Variants in DDX60L observed in about 807,000 individuals in gnomAD.
DDX60L encodes probable ATP-dependent RNA helicase DDX60-like.
In DDX60L, 191 loss-of-function variants were observed where a neutral mutation model predicts 211.6. The ratio of observed to expected loss-of-function variants is 0.90; its 90% CI spans 0.80 to 1.02. The LOEUF (loss-of-function observed/expected upper bound fraction) is 1.02, where lower values mean the gene tolerates loss of function less well. DDX60L is among the 50% of genes least tolerant of loss of function. The probability of loss-of-function intolerance (pLI) is 0.00; values close to 1 mark genes in which losing one functional copy is unlikely to be tolerated. For synonymous variants in DDX60L, 706 were observed against 694.1 expected (o/e 1.02, Z -0.27); for missense variants, 2,007 against 1,984.1 (o/e 1.01, Z -0.22).
At chr4:168,440,548 C>T (rs945790994) in intron 10 of DDX60L, among the ~76,000 whole-genome samples, 1 of 151,974 alleles carries the variant, frequency 6.6e-6, no homozygotes, top group Non-Finnish European at 1.5e-5. Flanking sequence ...CTAAACATAT[C>T]TCAGCTCCTT....
At chr4:168,415,376 C>A in intron 22 of DDX60L, 32 bp downstream of exon 22, 2 of 1,463,104 alleles carry the variant, frequency 1.4e-6, no homozygotes, top group African/African-American at 1.4e-5. Flanking sequence ...CTAAAAATTC[C>A]ACTAACAGGA....
In DDX60L at chr4:168,391,645, C is replaced by T; in HGVS notation, c.3811-1G>A. On this transcript the variant is annotated splice_acceptor_variant, in intron 28 of 37. Coordinates refer to ENST00000682922, the MANE Select transcript of DDX60L (RefSeq NM_001012967.3). LOFTEE classifies it high-confidence loss of function. ...CAAGTGTTTCAGTAGCTGTCACTAC[C>T]TAGGAAAAAAAAAAAAAAACAGTCA... 1 of 1,384,292 alleles carries T rather than the reference C, an allele frequency of 7.2e-7. No individual in the cohort carries two copies. The highest frequency in any genetic ancestry group is 9.8e-7 in the Non-Finnish European group (1 of 1,025,396). 85.8% of individuals were successfully genotyped at this position (1,384,292 alleles called of 1,614,324 possible).
At chr4:168,427,840 G>A (rs1362491431) in intron 13 of DDX60L, among the ~76,000 whole-genome samples, 2 of 152,148 alleles carry the variant, frequency 1.3e-5, no homozygotes, top group African/African-American at 4.8e-5. Context: ...TTAGTGGGGT[G>A]GTAATTTTTC....
chr4:168,369,302 T>G (rs1740538688), intron 36 of DDX60L, among the ~76,000 whole-genome samples: 1 of 152,108 alleles, frequency 6.6e-6, no homozygotes, highest in Non-Finnish European at 1.5e-5. Context: ...AATGGGAGTT[T>G]CCCTGCACAT....
At chr4:168,398,285 A>G (rs1021655072) in intron 26 of DDX60L, among the ~76,000 whole-genome samples, 3 of 152,194 alleles carry the variant, frequency 2.0e-5, no homozygotes, top group Non-Finnish European at 4.4e-5. Flanking sequence ...AGAAAAGTTG[A>G]GGCCAAGCCT....
At chr4:168,404,224 G>A in intron 24 of DDX60L, 118 bp from the exon 25 acceptor site, 2 of 737,860 alleles carry the variant, frequency 2.7e-6, no homozygotes, top group South Asian at 3.5e-5. Flanking sequence ...AATTTTGGGT[G>A]GGTTTTTAAA....
intron 10 of DDX60L, among the ~76,000 whole-genome samples, chr4:168,440,881 T>C (rs994191120): frequency 6.6e-6 from 1 of 152,068 alleles, no homozygotes; most frequent in African/African-American, 2.4e-5. Flanking sequence ...TTAAGCATAA[T>C]GGTAAATACA....
chr4:168,367,179 T>C (rs1247226752), intron 36 of DDX60L, among the ~76,000 whole-genome samples: 2 of 71,596 alleles, frequency 2.8e-5, no homozygotes, highest in Non-Finnish European at 8.0e-5. Context: ...CCTGAAACTA[T>C]GAAACAATAT....
Position 168,460,802 on chromosome 4 carries a change from C to T in DDX60L, c.606+897G>A, listed in dbSNP as rs182256827. On this transcript the variant is annotated intron_variant, in intron 5 of 37. Coordinates refer to ENST00000682922, the MANE Select transcript of DDX60L (RefSeq NM_001012967.3). Reference sequence around the variant, plus strand: ...CACTTCAGACACGAATCACAAATGCCGGGCTTCACATGCTGACAGACCAGC... The same window carrying T: ...CACTTCAGACACGAATCACAAATGCTGGGCTTCACATGCTGACAGACCAGC... 1.6e-3 allele frequency among the ~76,000 whole-genome samples: 251 copies of T among 152,268 alleles called. 1 individual carries two copies. Among genetic ancestry groups the T allele is most frequent in the African/African-American group, 5.3e-3 (219 of 41,550 alleles).
intron 20 of DDX60L, 96 bp downstream of exon 20, chr4:168,416,586 T>C: frequency 1.5e-6 from 1 of 653,574 alleles, no homozygotes; most frequent in Non-Finnish European, 2.4e-6. Flanking sequence ...TATTTGAAAG[T>C]TATCATAGAA....
intron 4 of DDX60L, among the ~76,000 whole-genome samples, chr4:168,467,905 G>T (rs1226059987): frequency 3.3e-5 from 5 of 152,180 alleles, no homozygotes; most frequent in Non-Finnish European, 5.9e-5. Flanking sequence ...GGTGGCTCAT[G>T]CCTGTAATCT....
At chr4:168,392,617 G>A (rs1227634052) in intron 28 of DDX60L, among the ~76,000 whole-genome samples, 3 of 152,148 alleles carry the variant, frequency 2.0e-5, no homozygotes, top group Non-Finnish European at 4.4e-5. Context: ...GCCAAGGCAG[G>A]CCGATCACCT....
intron 15 of DDX60L, 24 bp downstream of exon 15, chr4:168,423,584 T>C (rs747210806): frequency 7.3e-7 from 1 of 1,371,482 alleles, no homozygotes; most frequent in Admixed American, 2.6e-5. Context: ...AAATTTAAAG[T>C]ATAAGAAATT....
rs1756055943 is a variant in DDX60L at position 168,453,278 on chromosome 4, T to C, written c.842A>G (p.His281Arg). 6.2e-7 allele frequency: 1 copy of C among 1,609,770 alleles called. No homozygotes were observed. The highest frequency in any genetic ancestry group is 1.3e-5 in the African/African-American group (1 of 74,856). Residue 281 changes from histidine (H) to arginine (R), a missense_variant, in exon 8 of 38, where the codon CAC becomes CGC. Transcript: ENST00000682922. Reference protein sequence around the residue: ...SLRMYHRVLVHSNCLSLQEVE... With the variant: ...SLRMYHRVLVRSNCLSLQEVE... ...CTCCTGCAGGGATAGGCAATTACTGTGCACCTGCGTACAATAAAGAAGATG... is the reference window on the plus strand; with the variant it reads ...CTCCTGCAGGGATAGGCAATTACTGCGCACCTGCGTACAATAAAGAAGATG...
At chr4:168,441,697 T>C (rs928149559) in intron 9 of DDX60L, among the ~76,000 whole-genome samples, 3 of 152,054 alleles carry the variant, frequency 2.0e-5, no homozygotes, top group Admixed American at 6.5e-5. Flanking sequence ...TTAAATATAA[T>C]GCAGAGCCAG....
In DDX60L at chr4:168,474,981, C is replaced by A. The variant is rs1759282678; in HGVS notation, c.-110-2172G>T. Among the ~76,000 whole-genome samples the A allele has an allele frequency of 2.6e-5, 4 of 152,178 alleles. No homozygotes were observed. In the East Asian group the frequency reaches 5.8e-4, roughly 22 times the overall value. ...GATATATCCTGATAAAATTTCAGTA[C>A]TCCAAAGATAAAGAGAAAATCTAAC... On this transcript the variant is annotated intron_variant, in intron 1 of 37. Transcript: ENST00000682922.
At chr4:168,433,466 T>G (rs1351785221) in intron 10 of DDX60L, among the ~76,000 whole-genome samples, 1 of 151,978 alleles carries the variant, frequency 6.6e-6, no homozygotes, top group African/African-American at 2.4e-5. Flanking sequence ...GAAGCACCAC[T>G]CAGAGTTCAC....
chr4:168,468,328 T>C (rs903925636), intron 4 of DDX60L, among the ~76,000 whole-genome samples: 4 of 152,074 alleles, frequency 2.6e-5, no homozygotes, highest in African/African-American at 9.7e-5. Context: ...GAATAAAAGA[T>C]TGAATTAATA....
chr4:168,385,745 T>C (rs1199027076), intron 29 of DDX60L, among the ~76,000 whole-genome samples: 1 of 152,168 alleles, frequency 6.6e-6, no homozygotes, highest in Non-Finnish European at 1.5e-5. Flanking sequence ...ATTGTAGTGA[T>C]TATTATAGAG....
Sources: gnomAD v4.1 joint callset for allele counts (sites outside exome capture counted in the v4.1 genomes callset) on GRCh38, gnomAD v4.1.1 for gene constraint, MANE v1.5 for transcripts, NCBI Gene and HGNC (gene_info 2026-07-23, HGNC 2026-07-21) for gene names.